The following TMEM117 variants were observed in gnomAD, a reference collection of about 807,000 sequenced individuals.
TMEM117 encodes the protein transmembrane protein 117.
TMEM117 carries 27 observed loss-of-function variants against 52.4 expected under a neutral mutation model. The ratio of observed to expected loss-of-function variants is 0.51; its 90% CI spans 0.38 to 0.71. The LOEUF (loss-of-function observed/expected upper bound fraction) is 0.71. Among genes scored for constraint, TMEM117 ranks in the 30% least tolerant of loss-of-function variants. The pLI is 0.00. For missense variants in TMEM117, 556 were observed against 630.5 expected (o/e 0.88, Z 1.26); for synonymous variants, 215 against 206.3 (o/e 1.04, Z -0.36).
intron 3 of TMEM117, among the ~76,000 whole-genome samples, chr12:44,114,375 G>A (rs1468718850): frequency 1.3e-5 from 2 of 152,062 alleles, no homozygotes; most frequent in Non-Finnish European, 1.5e-5. Flanking sequence ...TTTATAACTA[G>A]ATATACAGTA....
intron 2 of TMEM117, among the ~76,000 whole-genome samples, chr12:43,931,337 A>G (rs1944867988): frequency 6.6e-6 from 1 of 152,256 alleles, no homozygotes; most frequent in Non-Finnish European, 1.5e-5. Flanking sequence ...AAGAGTACTT[A>G]TAGGCATACA....
chr12:44,321,413 C>T (rs1951127626), intron 6 of TMEM117, among the ~76,000 whole-genome samples: 1 of 152,140 alleles, frequency 6.6e-6, no homozygotes, highest in African/African-American at 2.4e-5. Context: ...TATGATTGTT[C>T]TTCCGTGTAT....
chr12:43,831,322 A>T (rs749059657), upstream of TMEM117, among the ~76,000 whole-genome samples: 6 of 152,208 alleles, frequency 3.9e-5, no homozygotes, highest in Non-Finnish European at 7.3e-5. Flanking sequence ...GACTTGGTAG[A>T]GGTTACTGAT....
At chr12:43,886,067 G>T (rs1731431) in intron 2 of TMEM117, among the ~76,000 whole-genome samples, 103,152 of 152,114 alleles carry the variant, frequency 0.68, 40,200 homozygotes, top group East Asian at 0.87. Flanking sequence ...TATCCCATAT[G>T]CTATAGAGAG....
At chr12:44,085,651 G>A (rs984934002) in intron 3 of TMEM117, among the ~76,000 whole-genome samples, 1 of 152,154 alleles carries the variant, frequency 6.6e-6, no homozygotes, top group Non-Finnish European at 1.5e-5. Context: ...TCTCACCTGC[G>A]AAAGGTAGTT....
intron 6 of TMEM117, among the ~76,000 whole-genome samples, chr12:44,336,270 G>A (rs1037755682): frequency 1.3e-5 from 2 of 151,862 alleles, no homozygotes; most frequent in African/African-American, 4.8e-5. Context: ...AAAATGAAGA[G>A]AATAATAATT....
intron 2 of TMEM117, among the ~76,000 whole-genome samples, chr12:43,940,575 CTTG>C (rs972152141): frequency 5.9e-5 from 9 of 151,452 alleles, no homozygotes; most frequent in Non-Finnish European, 8.8e-5. Context: ...GAGTTTTGCT[CTTG>C]TTGTGCAAGC....
chr12:43,844,550 A>C (rs1943167182), intron 1 of TMEM117, 74 bp from the exon 2 acceptor site: 1 of 1,329,906 alleles, frequency 7.5e-7, no homozygotes, highest in African/African-American at 1.5e-5. Context: ...AACTGTTATA[A>C]ACCTGAACTG....
rs1945936280 is a variant in TMEM117 at position 43,991,396 on chromosome 12, C to T, written c.410+47054C>T. 2.0e-5 allele frequency among the ~76,000 whole-genome samples: 3 copies of T among 152,220 alleles called. No individual in the cohort carries two copies. The South Asian group carries it at 6.2e-4, about 32-fold the overall frequency. On this transcript the variant is annotated intron_variant, in intron 3 of 7. Transcript: ENST00000266534. ...AAATTGTCCAAGAAATTTTGTTCCA[C>T]TGGATAATAATTGTAATAACCAATC...
chr12:44,217,891 C>T (rs750456719), intron 5 of TMEM117, among the ~76,000 whole-genome samples: 1 of 152,178 alleles, frequency 6.6e-6, no homozygotes, highest in Non-Finnish European at 1.5e-5. Context: ...AAGAAACATA[C>T]ACCCTGATGA....
chr12:43,870,318 G>A (rs559827910), intron 2 of TMEM117, among the ~76,000 whole-genome samples: 1 of 151,518 alleles, frequency 6.6e-6, no homozygotes, highest in East Asian at 1.9e-4. Context: ...GGAGTGCAGT[G>A]GTGTGATCTC....
At chr12:44,197,594 A>G (rs1220848543) in intron 4 of TMEM117, among the ~76,000 whole-genome samples, 1 of 152,168 alleles carries the variant, frequency 6.6e-6, no homozygotes, top group Admixed American at 6.6e-5. Context: ...ATTCTAAATT[A>G]CAATTCAATG....
chr12:43,945,439 G>A (rs1945116098), intron 3 of TMEM117, among the ~76,000 whole-genome samples: 1 of 151,778 alleles, frequency 6.6e-6, no homozygotes, highest in South Asian at 2.1e-4. Context: ...TCCTTCCTCA[G>A]CCTCCCTAGT....
At chr12:44,240,085 G>A (rs910418565) in intron 5 of TMEM117, among the ~76,000 whole-genome samples, 4 of 152,084 alleles carry the variant, frequency 2.6e-5, no homozygotes, top group African/African-American at 9.7e-5. Flanking sequence ...TGCTATATTA[G>A]CATTCCATTT....
At chr12:44,116,715 T>G (rs896162265) in intron 3 of TMEM117, among the ~76,000 whole-genome samples, 1 of 152,244 alleles carries the variant, frequency 6.6e-6, no homozygotes, top group African/African-American at 2.4e-5. Flanking sequence ...GCAGCACCAC[T>G]GGGTCACCAG....
chr12:44,345,828 C>T (rs1951479277), intron 6 of TMEM117, among the ~76,000 whole-genome samples: 1 of 151,834 alleles, frequency 6.6e-6, no homozygotes, highest in South Asian at 2.1e-4. Flanking sequence ...AATAGTGAGC[C>T]CTGGAGCTAT....
At chr12:43,896,136 T>C (rs1367310110) in intron 2 of TMEM117, among the ~76,000 whole-genome samples, 1 of 152,178 alleles carries the variant, frequency 6.6e-6, no homozygotes, top group Non-Finnish European at 1.5e-5. Flanking sequence ...AGTTGACACA[T>C]AGTATTGACC....
intron 4 of TMEM117, among the ~76,000 whole-genome samples, chr12:44,153,383 C>G (rs1054051554): frequency 3.9e-5 from 6 of 151,972 alleles, no homozygotes; most frequent in African/African-American, 1.4e-4. Flanking sequence ...TCCAATGTGG[C>G]ATATAGACAT....
intron 3 of TMEM117, among the ~76,000 whole-genome samples, chr12:44,095,370 G>A (rs1031187925): frequency 7.2e-5 from 11 of 152,010 alleles, no homozygotes; most frequent in African/African-American, 1.7e-4. Flanking sequence ...TTCATTCAAC[G>A]AGTAGGATTG....
Sources: allele counts gnomAD v4.1 joint callset (sites outside exome capture counted in the v4.1 genomes callset), GRCh38; gene constraint gnomAD v4.1.1; transcripts MANE v1.5; gene names NCBI Gene and HGNC (gene_info 2026-07-23, HGNC 2026-07-21).